Variants in ETFDH observed in about 807,000 individuals in gnomAD.
ETFDH encodes electron transfer flavoprotein dehydrogenase, also known as electron transfer flavoprotein-ubiquinone oxidoreductase, mitochondrial.
ETFDH carries 61 observed loss-of-function variants against 73.2 expected under a neutral mutation model. The observed-to-expected ratio is 0.83, with a 90% CI of 0.68 to 1.03. The LOEUF (loss-of-function observed/expected upper bound fraction) is 1.03, where lower values mean the gene tolerates loss of function less well. Ranked by LOEUF, ETFDH falls within the 50% of genes least tolerant of loss-of-function variation. ETFDH has a pLI of 0.00. For synonymous variants in ETFDH, 243 were observed against 253.3 expected (o/e 0.96, Z 0.39); for missense variants, 685 against 745.0 (o/e 0.92, Z 0.94).
chr4:158,689,899 C>T (rs1364750907), intron 5 of ETFDH, among the ~76,000 whole-genome samples: 1 of 151,858 alleles, frequency 6.6e-6, no homozygotes, highest in Non-Finnish European at 1.5e-5. Context: ...CTGTCTTCAG[C>T]TTCTCCCTGT....
chr4:158,706,853 A>G lies in ETFDH; in HGVS notation c.1690+3A>G. 3 of 1,552,890 alleles carry G rather than the reference A, an allele frequency of 1.9e-6. No individual in the cohort carries two copies. The highest frequency in any genetic ancestry group is 2.2e-5 in the East Asian group (1 of 44,590). ...CGAGCAGCGATTCTGTCCTGCAGGT[A>G]ATAATTTCCATCTATTCCTAAATAT... On this transcript the variant is annotated splice_donor_region_variant and intron_variant, in intron 12 of 12. Transcript: ENST00000511912.
rs1774716864 is a variant in ETFDH at position 158,708,873 on chromosome 4, G to A, written c.*346G>A. 1 of 260,502 alleles carries A rather than the reference G, an allele frequency of 3.8e-6. No individual in the cohort carries two copies. The highest frequency in any genetic ancestry group is 7.5e-6 in the Non-Finnish European group (1 of 133,528). The allele number at this position is 260,502 out of a possible 1,614,324, so 16.1% of individuals were successfully genotyped here. ...TAGACTAAAGTTTTATTGAAACACA[G>A]CCATACCCATTGGTTACACATTGTC... On this transcript the variant is annotated 3_prime_UTR_variant, in exon 13 of 13. Coordinates refer to ENST00000511912, the MANE Select transcript of ETFDH (RefSeq NM_004453.4).
rs1774350824 is a variant in ETFDH at position 158,697,764 on chromosome 4, A to G, written c.972+65A>G. 8 of 1,452,868 alleles carry G rather than the reference A, an allele frequency of 5.5e-6. No individual in the cohort carries two copies. The East Asian group carries it at 1.8e-4, about 33-fold the overall frequency. The allele number at this position is 1,452,868 out of a possible 1,614,324, so 90.0% of individuals were successfully genotyped here. A position where few individuals can be genotyped will look rare whatever the true frequency, so the allele number is the denominator to read the frequency against. ...GTTATATTACCATCAGTGTTATAAA[A>G]TAAGGGTTTTGAATCTGAAGACTGT... On this transcript the variant is annotated intron_variant, in intron 8 of 12. Transcript: ENST00000511912.
chr4:158,707,573 C>T (rs1347089983), intron 12 of ETFDH, among the ~76,000 whole-genome samples: 1 of 152,182 alleles, frequency 6.6e-6, no homozygotes, highest in Admixed American at 6.5e-5. Context: ...CGGGCTTGCC[C>T]CACCCTGAAT....
At chr4:158,697,498 G>T (rs972009969) in intron 7 of ETFDH, 61 bp from the exon 8 acceptor site, 16 of 1,424,582 alleles carry the variant, frequency 1.1e-5, no homozygotes, top group Non-Finnish European at 1.4e-5. Flanking sequence ...ATGCATTGTG[G>T]TGACATAAAA....
In ETFDH at chr4:158,708,745, T is replaced by C; in HGVS notation, c.*218T>C. 4.1e-6 allele frequency: 2 copies of C among 490,140 alleles called. No individual in the cohort carries two copies. Among genetic ancestry groups the C allele is most frequent in the Non-Finnish European group, 7.3e-6 (2 of 274,284 alleles). 30.4% of individuals were successfully genotyped at this position (490,140 alleles called of 1,614,324 possible). A position where few individuals can be genotyped will look rare whatever the true frequency, so the allele number is the denominator to read the frequency against. On this transcript the variant is annotated 3_prime_UTR_variant, in exon 13 of 13. Transcript: ENST00000511912. ...TAAGAATGCAGCATCTTCCTACCTCTTCAGTTCTTCAGAGATTCAGTACCA... is the reference window on the plus strand; with the variant it reads ...TAAGAATGCAGCATCTTCCTACCTCCTCAGTTCTTCAGAGATTCAGTACCA...
At chr4:158,691,666 T>G (rs1774169129) in intron 6 of ETFDH, among the ~76,000 whole-genome samples, 1 of 152,196 alleles carries the variant, frequency 6.6e-6, no homozygotes, top group Admixed American at 6.5e-5. Context: ...TTTTAACATC[T>G]TTTGGTAGAT....
intron 5 of ETFDH, among the ~76,000 whole-genome samples, chr4:158,688,798 C>T (rs1774081392): frequency 6.6e-6 from 1 of 152,228 alleles, no homozygotes; most frequent in African/African-American, 2.4e-5. Flanking sequence ...ACAATCCATT[C>T]ATTACATACA....
intron 2 of ETFDH, chr4:158,681,987 T>G: frequency 1.7e-6 from 1 of 600,484 alleles, no homozygotes; most frequent in Non-Finnish European, 2.8e-6. Context: ...AATTAGTTTA[T>G]GGAAACTGAA....
rs1427967290 is a variant in ETFDH, at chr4:158,682,380, C to T, written c.361C>T (p.Pro121Ser). The change falls in exon 3 of 13, where the codon CCA (proline) becomes TCA (serine). Residue 121 changes from proline (P) to serine (S), a missense_variant. Transcript: ENST00000511912. ...AHTLSGACLD[P>S]GAFKELFPDW... ...TACTCTCTCAGGGGCTTGCCTTGAT[C>T]CAGGTGCTTTTAAAGAACTCTTCCC... The T allele has an allele frequency of 6.2e-7, 1 of 1,614,024 alleles. No homozygotes were observed. Among genetic ancestry groups the T allele is most frequent in the Admixed American group, 1.7e-5 (1 of 60,010 alleles).
chr4:158,688,024 A>G (rs1774051109), intron 5 of ETFDH, among the ~76,000 whole-genome samples: 3 of 150,864 alleles, frequency 2.0e-5, no homozygotes, highest in Admixed American at 2.0e-4. Context: ...TGGGTGACAG[A>G]GCGAGATTCC....
At chr4:158,673,013 A>G (rs1773617578) in intron 1 of ETFDH, among the ~76,000 whole-genome samples, 1 of 152,148 alleles carries the variant, frequency 6.6e-6, no homozygotes, top group African/African-American at 2.4e-5. Context: ...TGCGTTGTCT[A>G]AAATTAAGGG....
intron 6 of ETFDH, among the ~76,000 whole-genome samples, chr4:158,694,645 G>A (rs182884317): frequency 6.6e-6 from 1 of 151,962 alleles, no homozygotes; most frequent in Non-Finnish European, 1.5e-5. Flanking sequence ...TATCACACTT[G>A]ATACACTAGC....
chr4:158,708,646 C>G lies in ETFDH; in HGVS notation c.*119C>G. 1.2e-6 allele frequency: 1 copy of G among 857,920 alleles called. No individual in the cohort carries two copies. The highest frequency in any genetic ancestry group is 1.5e-5 in the South Asian group (1 of 67,118). The allele number at this position is 857,920 out of a possible 1,614,324, so 53.1% of individuals were successfully genotyped here. A position where few individuals can be genotyped will look rare whatever the true frequency, so the allele number is the denominator to read the frequency against. ...AACAGAATAGTCACAAAATGATTAT[C>G]AAATAAAAATTTTATACTATATGTA... On this transcript the variant is annotated 3_prime_UTR_variant, in exon 13 of 13. Transcript: ENST00000511912.
chr4:158,706,017 G>GT (rs1454353619), intron 10 of ETFDH, among the ~76,000 whole-genome samples, 172 bp from the exon 11 acceptor site: 1 of 152,184 alleles, frequency 6.6e-6, no homozygotes, highest in African/African-American at 2.4e-5. Flanking sequence ...GGAGGTGGAG[G>GT]TTGCAGTGAG....
chr4:158,689,595 C>CATATATATATATATATATATAT (rs573706904), intron 5 of ETFDH, among the ~76,000 whole-genome samples: 4 of 32,764 alleles, frequency 1.2e-4, no homozygotes, highest in Non-Finnish European at 1.8e-4. Flanking sequence ...ATAAAACCTT[C>CATATATATATATATATATATAT]ATATATATAT....
chr4:158,691,469 C>T (rs1302254412), intron 6 of ETFDH, among the ~76,000 whole-genome samples: 5 of 152,116 alleles, frequency 3.3e-5, no homozygotes, highest in Admixed American at 2.0e-4. Context: ...GGATTACAGG[C>T]GTGCGCCACC....
At chr4:158,688,810 G>T (rs1774081972) in intron 5 of ETFDH, among the ~76,000 whole-genome samples, 1 of 152,190 alleles carries the variant, frequency 6.6e-6, no homozygotes, top group Admixed American at 6.5e-5. Flanking sequence ...TTACATACAT[G>T]TTAACTGTTT....
intron 1 of ETFDH, among the ~76,000 whole-genome samples, chr4:158,675,875 C>T (rs1265665874): frequency 5.3e-5 from 8 of 151,776 alleles, no homozygotes; most frequent in African/African-American, 1.9e-4. Context: ...CACATGAAAA[C>T]TCTATGTTTA....
Sources: gnomAD v4.1 joint callset for allele counts (sites outside exome capture counted in the v4.1 genomes callset) on GRCh38, gnomAD v4.1.1 for gene constraint, MANE v1.5 for transcripts, NCBI Gene and HGNC (gene_info 2026-07-23, HGNC 2026-07-21) for gene names.